The following CTNNAL1 variants were observed in gnomAD, a reference collection of about 807,000 sequenced individuals.
CTNNAL1 encodes alpha-catulin.
A neutral mutation model predicts 93.6 loss-of-function variants in CTNNAL1; 69 were observed. That is an observed-to-expected ratio of 0.74 (90% CI 0.61 to 0.90). The LOEUF is 0.90. CTNNAL1 is among the 40% of genes least tolerant of loss of function. CTNNAL1 has a pLI of 0.00. For missense variants in CTNNAL1, 836 were observed against 862.0 expected, an observed-to-expected ratio of 0.97 and a Z score of 0.38; for synonymous variants, 286 against 305.4, an observed-to-expected ratio of 0.94 and a Z score of 0.66.
At chr9:108,978,931 G>A (rs528420235) in intron 7 of CTNNAL1, among the ~76,000 whole-genome samples, 8 of 152,224 alleles carry the variant, frequency 5.3e-5, no homozygotes, top group Admixed American at 2.6e-4. Flanking sequence ...TCTAGGAGGG[G>A]GTCTACTCCT....
chr9:108,980,861 T>A (rs1831407037), intron 6 of CTNNAL1, among the ~76,000 whole-genome samples: 1 of 152,204 alleles, frequency 6.6e-6, no homozygotes, highest in South Asian at 2.1e-4. Context: ...AGACAGCAAC[T>A]TAGTGGAGTT....
intron 12 of CTNNAL1, among the ~76,000 whole-genome samples, chr9:108,953,957 A>C (rs890596625): frequency 6.6e-6 from 1 of 152,206 alleles, no homozygotes; most frequent in Non-Finnish European, 1.5e-5. Context: ...AACTGATAAA[A>C]CATTTAAGAA....
chr9:108,965,593 A>C, intron 10 of CTNNAL1, 65 bp from the exon 11 acceptor site: 1 of 910,078 alleles, frequency 1.1e-6, no homozygotes, highest in Non-Finnish European at 1.6e-6. Context: ...CACTTTGAAG[A>C]CCAAAGGTAA....
At chr9:108,980,075 T>C (rs185478501) in intron 6 of CTNNAL1, among the ~76,000 whole-genome samples, 3 of 152,348 alleles carry the variant, frequency 2.0e-5, no homozygotes, top group Admixed American at 2.0e-4. Context: ...GTAAACCATC[T>C]GATACTGCCA....
chr9:108,951,920 G>A (rs1830574870), intron 14 of CTNNAL1, among the ~76,000 whole-genome samples: 1 of 152,134 alleles, frequency 6.6e-6, no homozygotes, highest in Non-Finnish European at 1.5e-5. Flanking sequence ...CTGGCTGGGA[G>A]AGGCATTAAC....
chr9:108,996,368 G>T (rs962396170), intron 2 of CTNNAL1, among the ~76,000 whole-genome samples: 2 of 152,152 alleles, frequency 1.3e-5, no homozygotes, highest in African/African-American at 4.8e-5. Context: ...AACATTACAG[G>T]AGTGATTTAA....
chr9:108,945,801 A>G (rs1037693878), intron 15 of CTNNAL1, among the ~76,000 whole-genome samples: 1 of 152,076 alleles, frequency 6.6e-6, no homozygotes, highest in Non-Finnish European at 1.5e-5. Flanking sequence ...AATATTTTCA[A>G]TCCATAGTTG....
At position 108,992,624 on chromosome 9, in the gene CTNNAL1, G is replaced by A; in HGVS notation, c.519+8C>T. The stretch of plus-strand genomic sequence containing the variant: ...ACAAAAATACAGCAACATCAGAAAG[G>A]TAAGTACCTTATTTCTTGATGTTAT... On this transcript the variant is annotated splice_region_variant and intron_variant, in intron 3 of 18. Coordinates refer to ENST00000325551, the MANE Select transcript of CTNNAL1 (RefSeq NM_003798.4). The A allele has an allele frequency of 1.9e-6, 3 of 1,602,886 alleles. No individual in the cohort carries two copies. In the South Asian group the frequency reaches 3.4e-5, roughly 18 times the overall value.
intron 1 of CTNNAL1, among the ~76,000 whole-genome samples, chr9:109,005,809 G>T (rs1042122235): frequency 6.6e-6 from 1 of 152,136 alleles, no homozygotes. Context: ...GCCAAAATAT[G>T]AACTATTGTT....
intron 4 of CTNNAL1, among the ~76,000 whole-genome samples, chr9:108,989,094 A>T (rs1412233174): frequency 6.6e-6 from 1 of 152,238 alleles, no homozygotes; most frequent in Non-Finnish European, 1.5e-5. Context: ...ATGTTGGATC[A>T]CAATATTACA....
intron 8 of CTNNAL1, 31 bp from the exon 9 acceptor site, chr9:108,972,864 G>GGGGGGGGGGGGGGCCCCCCCCCCCCC: frequency 4.9e-5 from 7 of 142,576 alleles, no homozygotes; most frequent in East Asian, 4.4e-4. Flanking sequence ...GGGGGGGTGG[G>GGGGGGGGGGGGGGCCCCCCCCCCCCC]AGGGTGGAGA....
chr9:108,943,862 AT>A, intron 16 of CTNNAL1, 46 bp from the exon 17 acceptor site: 1 of 1,605,252 alleles, frequency 6.2e-7, no homozygotes, highest in African/African-American at 1.3e-5. Flanking sequence ...ACAAAACTCC[AT>A]CTTTAATACC....
intron 4 of CTNNAL1, among the ~76,000 whole-genome samples, chr9:108,989,270 T>G (rs1160456619): frequency 1.3e-5 from 2 of 152,086 alleles, no homozygotes; most frequent in Non-Finnish European, 2.9e-5. Flanking sequence ...CTTGCTCAAG[T>G]GATCAAGAAA....
intron 4 of CTNNAL1, among the ~76,000 whole-genome samples, 185 bp downstream of exon 4, chr9:108,990,541 A>G (rs1831758987): frequency 6.6e-6 from 1 of 152,182 alleles, no homozygotes; most frequent in South Asian, 2.1e-4. Context: ...ACTGTTATAA[A>G]TGTACAAAAA....
At chr9:108,984,124 T>G (rs1831525987) in intron 5 of CTNNAL1, among the ~76,000 whole-genome samples, 1 of 152,256 alleles carries the variant, frequency 6.6e-6, no homozygotes, top group African/African-American at 2.4e-5. Flanking sequence ...CACCATGTTC[T>G]GCTGAGCTGT....
chr9:108,970,383 C>A lies in CTNNAL1; in HGVS notation c.1440+19G>T. 6.3e-7 allele frequency: 1 copy of A among 1,599,010 alleles called. No homozygotes were observed. Among genetic ancestry groups the A allele is most frequent in the East Asian group, 2.3e-5 (1 of 43,924 alleles). On this transcript the variant is annotated intron_variant, in intron 10 of 18. Coordinates refer to ENST00000325551, the MANE Select transcript of CTNNAL1 (RefSeq NM_003798.4). ...CAGATAGGACACAATACAGAAGGAG[C>A]AATCTGCTATTATCATACCTGTTGG... is the stretch of plus-strand genomic sequence containing the variant.
rs776483894 is a variant in CTNNAL1 at position 108,943,759 on chromosome 9, A to C, written c.1999T>G (p.Cys667Gly). 2 of 1,613,934 alleles carry C rather than the reference A, an allele frequency of 1.2e-6. No homozygotes were observed. Among genetic ancestry groups the C allele is most frequent in the Admixed American group, 3.3e-5 (2 of 60,004 alleles). The change falls in exon 17 of 19, where the codon TGC becomes GGC. Residue 667 changes from cysteine (C) to glycine (G), a missense_variant. Transcript: ENST00000325551. ...TTAGTTACTGTCTGGAGCTGGTGGC[A>C]TAGAGGAATTAGCTTGTTTATTTCC... ...LLEINKLIPL[C>G]HQLQTVTKTS...
intron 11 of CTNNAL1, among the ~76,000 whole-genome samples, chr9:108,957,648 G>A (rs934194175): frequency 6.6e-6 from 1 of 152,148 alleles, no homozygotes; most frequent in African/African-American, 2.4e-5. Context: ...CTATTTTCAT[G>A]CCTTGGCTCT....
Position 108,983,238 on chromosome 9 carries a change from C to T in CTNNAL1, c.807G>A (p.Leu269=). The T allele has an allele frequency of 6.3e-7, 1 of 1,597,398 alleles. No individual in the cohort carries two copies. Among genetic ancestry groups the T allele is most frequent in the Non-Finnish European group, 8.5e-7 (1 of 1,171,530 alleles). Residue 269 remains leucine, a synonymous_variant, in exon 6 of 19, where the codon TTG becomes TTA. Transcript: ENST00000325551. ...CAGTCACAATTTCAATGACCTTATC[C>T]AATGCCACTTTCATACGGTCAAATA... ...EGVFDRMKVA[L]DKVIEIVTDC...
Sources: gnomAD v4.1 joint callset for allele counts (sites outside exome capture counted in the v4.1 genomes callset) on GRCh38, gnomAD v4.1.1 for gene constraint, MANE v1.5 for transcripts, NCBI Gene and HGNC (gene_info 2026-07-23, HGNC 2026-07-21) for gene names.